Variants in CPNE4 observed in about 807,000 individuals in gnomAD.
CPNE4 encodes copine-4.
Under a neutral mutation model 67.9 loss-of-function variants are expected in CPNE4, and 25 were observed. The ratio of observed to expected loss-of-function variants is 0.37; its 90% CI spans 0.27 to 0.51. CPNE4 has a LOEUF of 0.51. CPNE4 is among the 20% of genes least tolerant of loss of function. The pLI is 0.93. For missense variants in CPNE4, 464 were observed against 690.8 expected (o/e 0.67, Z 3.68); for synonymous variants, 242 against 244.9 (o/e 0.99, Z 0.11).
intron 1 of CPNE4, among the ~76,000 whole-genome samples, chr3:132,027,852 G>C (rs989044054): frequency 1.3e-5 from 2 of 151,782 alleles, no homozygotes; most frequent in African/African-American, 2.4e-5. Flanking sequence ...TATTGTTTTG[G>C]GCCATTCTAT....
intron 2 of CPNE4, among the ~76,000 whole-genome samples, chr3:131,802,048 A>G (rs923312314): frequency 1.3e-5 from 2 of 152,106 alleles, no homozygotes; most frequent in Non-Finnish European, 1.5e-5. Context: ...CAGGCTATGC[A>G]TCTAAAGTAA....
intron 1 of CPNE4, among the ~76,000 whole-genome samples, chr3:131,952,268 G>A (rs544791022): frequency 1.3e-5 from 2 of 151,074 alleles, no homozygotes; most frequent in South Asian, 2.1e-4. Flanking sequence ...CCGTATGGGA[G>A]GTGAAGAGCG....
At chr3:131,844,735 G>A (rs2085931235) in intron 2 of CPNE4, among the ~76,000 whole-genome samples, 1 of 152,160 alleles carries the variant, frequency 6.6e-6, no homozygotes, top group African/African-American at 2.4e-5. Context: ...ACAGCCATCA[G>A]TTAAGGTGTT....
chr3:131,737,267 G>C (rs751403033), intron 2 of CPNE4, among the ~76,000 whole-genome samples: 12 of 151,586 alleles, frequency 7.9e-5, no homozygotes, highest in Non-Finnish European at 1.3e-4. Flanking sequence ...GGACCTACAG[G>C]CACTCGCTAC....
intron 6 of CPNE4, among the ~76,000 whole-genome samples, chr3:131,683,589 G>T (rs1211865000): frequency 6.6e-6 from 1 of 152,118 alleles, no homozygotes; most frequent in Non-Finnish European, 1.5e-5. Flanking sequence ...ACTGCTTAGG[G>T]TATGGGGCAC....
intron 7 of CPNE4, among the ~76,000 whole-genome samples, chr3:131,608,269 C>A (rs773794198): frequency 6.6e-6 from 1 of 152,062 alleles, no homozygotes; most frequent in Non-Finnish European, 1.5e-5. Context: ...GAAGTCAGTT[C>A]AAATAAACCA....
At chr3:131,653,142 TC>T (rs2079855219) in intron 7 of CPNE4, among the ~76,000 whole-genome samples, 1 of 141,010 alleles carries the variant, frequency 7.1e-6, no homozygotes, top group Admixed American at 7.0e-5. Flanking sequence ...TGATAGGACT[TC>T]TTTTTTTTTT....
chr3:131,551,616 C>T (rs528722920), intron 13 of CPNE4, among the ~76,000 whole-genome samples: 4 of 151,926 alleles, frequency 2.6e-5, no homozygotes, highest in Non-Finnish European at 5.9e-5. Context: ...TGTTCAGACT[C>T]AATGGTATTG....
At chr3:132,033,016 A>G (rs2074269668) in intron 1 of CPNE4, among the ~76,000 whole-genome samples, 1 of 152,224 alleles carries the variant, frequency 6.6e-6, no homozygotes, top group Non-Finnish European at 1.5e-5. Flanking sequence ...TTGTTTTGTT[A>G]TAAAGCAGAA....
chr3:132,001,222 CAGA>C (rs927570372), intron 1 of CPNE4, among the ~76,000 whole-genome samples: 1 of 151,910 alleles, frequency 6.6e-6, no homozygotes, highest in African/African-American at 2.4e-5. Context: ...GGCTAGAGAA[CAGA>C]AGGTCAGCTA....
chr3:131,789,035 C>CACAGAGAGAGAGAGAG (rs1553771459), intron 2 of CPNE4, among the ~76,000 whole-genome samples: 2 of 137,304 alleles, frequency 1.5e-5, no homozygotes, highest in Non-Finnish European at 3.2e-5. Context: ...CACACACACA[C>CACAGAGAGAGAGAGAG]AGAGAGAGAG....
At chr3:131,552,149 TTTATTA>T (rs149887152) in intron 13 of CPNE4, among the ~76,000 whole-genome samples, 1 of 150,726 alleles carries the variant, frequency 6.6e-6, no homozygotes, top group Non-Finnish European at 1.5e-5. Flanking sequence ...TGAAGTTTCA[TTTATTA>T]TTATTATTAT....
At chr3:131,820,067 A>T (rs2084907979) in intron 2 of CPNE4, among the ~76,000 whole-genome samples, 1 of 152,228 alleles carries the variant, frequency 6.6e-6, no homozygotes, top group African/African-American at 2.4e-5. Flanking sequence ...CTCATTTGTT[A>T]CAATGGGAAA....
intron 7 of CPNE4, 66 bp from the exon 8 acceptor site, chr3:131,587,648 G>A (rs1938274985): frequency 1.7e-6 from 2 of 1,151,178 alleles, no homozygotes; most frequent in Non-Finnish European, 2.6e-6. Flanking sequence ...TGAAGGCAAT[G>A]TTAACTTTAG....
At chr3:131,617,532 A>G (rs1940224500) in intron 7 of CPNE4, among the ~76,000 whole-genome samples, 1 of 152,202 alleles carries the variant, frequency 6.6e-6, no homozygotes, top group Non-Finnish European at 1.5e-5. Context: ...ACGCCTTTTC[A>G]ATAAATAATT....
chr3:131,808,249 CA>C (rs2084393283), intron 2 of CPNE4, among the ~76,000 whole-genome samples: 1 of 152,140 alleles, frequency 6.6e-6, no homozygotes, highest in Non-Finnish European at 1.5e-5. Flanking sequence ...TGTTAAGAGA[CA>C]AATTAATTAA....
chr3:131,618,646 G>A (rs7647321), intron 7 of CPNE4, among the ~76,000 whole-genome samples: 20,488 of 152,014 alleles, frequency 0.13, 1,970 homozygotes, highest in African/African-American at 0.27. Context: ...TGATCTCCCA[G>A]AAACCTGTTC....
At chr3:131,823,485 G>T (rs1464427503) in intron 2 of CPNE4, among the ~76,000 whole-genome samples, 2 of 152,132 alleles carry the variant, frequency 1.3e-5, no homozygotes, top group African/African-American at 2.4e-5. Flanking sequence ...CAAGTTGATG[G>T]GATTGAAATG....
chr3:131,822,794 A>T (rs1405375008), intron 2 of CPNE4, among the ~76,000 whole-genome samples: 1 of 152,122 alleles, frequency 6.6e-6, no homozygotes, highest in Admixed American at 6.6e-5. Context: ...CTCAGCAAGG[A>T]GGCAGAAATA....
Sources: allele counts gnomAD v4.1 joint callset (sites outside exome capture counted in the v4.1 genomes callset), GRCh38; gene constraint gnomAD v4.1.1; transcripts MANE v1.5; gene names NCBI Gene and HGNC (gene_info 2026-07-23, HGNC 2026-07-21).